The following GLIS3 variants were observed in gnomAD, a reference collection of about 807,000 sequenced individuals.
GLIS3 encodes the protein GLIS family zinc finger 3, also known as zinc finger protein GLIS3.
In GLIS3, 53 loss-of-function variants were observed where a neutral mutation model predicts 78.6. That is an observed-to-expected ratio of 0.67 (90% confidence interval 0.54 to 0.85). The LOEUF (loss-of-function observed/expected upper bound fraction) is 0.85. Ranked by LOEUF, GLIS3 falls within the 40% of genes least tolerant of loss-of-function variation. The pLI is 0.00. For synonymous variants in GLIS3, 684 were observed against 509.9 expected (o/e 1.34, Z -4.60); for missense variants, 1,703 against 1,231.1 (o/e 1.38, Z -5.74).
At chr9:4,120,001 A>C (rs1267159486) in intron 3 of GLIS3, among the ~76,000 whole-genome samples, 1 of 152,262 alleles carries the variant, frequency 6.6e-6, no homozygotes, top group South Asian at 2.1e-4. Flanking sequence ...GGTGTGTATC[A>C]GAAGAACCTG....
intron 2 of GLIS3, among the ~76,000 whole-genome samples, chr9:4,143,955 AAG>A (rs1834012134): frequency 6.6e-6 from 1 of 152,254 alleles, no homozygotes; most frequent in Non-Finnish European, 1.5e-5. Flanking sequence ...TGAGAAAGAA[AAG>A]AGAATAGACG....
chr9:4,426,508 T>C, the GLIS3 span, among the ~76,000 whole-genome samples: 1 of 152,232 alleles, frequency 6.6e-6, no homozygotes, highest in Non-Finnish European at 1.5e-5. Flanking sequence ...TGCCCATCAC[T>C]ATTTGTCAGA....
intron 8 of GLIS3, among the ~76,000 whole-genome samples, chr9:3,860,829 T>C (rs1209828074): frequency 6.6e-6 from 1 of 152,224 alleles, no homozygotes; most frequent in Non-Finnish European, 1.5e-5. Context: ...GAGCACTAAA[T>C]GTGTGGCATT....
intron 4 of GLIS3, among the ~76,000 whole-genome samples, chr9:4,087,248 GT>G (rs1004578725): frequency 6.6e-6 from 1 of 152,132 alleles, no homozygotes; most frequent in African/African-American, 2.4e-5. Context: ...TGTATCAGCT[GT>G]TTTTTCATCC....
At chr9:4,125,022 T>C (rs528365406) in intron 3 of GLIS3, among the ~76,000 whole-genome samples, 115 of 152,320 alleles carry the variant, frequency 7.5e-4, no homozygotes, top group African/African-American at 2.6e-3. Context: ...AGATAAAGCT[T>C]TGTCTGAGGG....
At chr9:3,857,075 C>T (rs983186223) in intron 8 of GLIS3, among the ~76,000 whole-genome samples, 1 of 152,180 alleles carries the variant, frequency 6.6e-6, no homozygotes, top group African/African-American at 2.4e-5. Flanking sequence ...TTGGCAATGT[C>T]TATCAAATAT....
chr9:4,330,554 G>T (rs976632080), intron 2 of GLIS3, among the ~76,000 whole-genome samples: 6 of 151,986 alleles, frequency 3.9e-5, no homozygotes, highest in Non-Finnish European at 7.4e-5. Context: ...TGGAGATGAA[G>T]GTTGAGATGG....
At chr9:4,177,607 T>G (rs1348613387) in intron 2 of GLIS3, among the ~76,000 whole-genome samples, 4 of 152,234 alleles carry the variant, frequency 2.6e-5, no homozygotes, top group Non-Finnish European at 4.4e-5. Context: ...CTGAGCTTGT[T>G]GATTTCTAAG....
At chr9:4,110,752 G>C (rs1020064464) in intron 4 of GLIS3, among the ~76,000 whole-genome samples, 2 of 152,136 alleles carry the variant, frequency 1.3e-5, no homozygotes, top group Admixed American at 1.3e-4. Flanking sequence ...TGATGGCTTA[G>C]AAGCCCTGAC....
chr9:4,415,083 A>G, the GLIS3 span, among the ~76,000 whole-genome samples: 1 of 152,102 alleles, frequency 6.6e-6, no homozygotes. Context: ...TTTCTTTGAC[A>G]CTGGTTAAAA....
chr9:4,225,610 C>A (rs2131346227), intron 2 of GLIS3, among the ~76,000 whole-genome samples: 1 of 152,268 alleles, frequency 6.6e-6, no homozygotes, highest in East Asian at 1.9e-4. Flanking sequence ...TTAGACAAGG[C>A]AGGCTAAAGA....
chr9:4,326,147 T>C (rs1315261405), intron 2 of GLIS3, among the ~76,000 whole-genome samples: 1 of 152,176 alleles, frequency 6.6e-6, no homozygotes, highest in Non-Finnish European at 1.5e-5. Flanking sequence ...CGAACCACCG[T>C]GGCACACATT....
At chr9:4,450,705 A>G in the GLIS3 span, among the ~76,000 whole-genome samples, 1 of 152,348 alleles carries the variant, frequency 6.6e-6, no homozygotes, top group South Asian at 2.1e-4. Flanking sequence ...GACATTCTTA[A>G]AGAAAAGAAT....
chr9:4,001,148 G>C (rs1396641908), intron 4 of GLIS3, among the ~76,000 whole-genome samples: 1 of 152,120 alleles, frequency 6.6e-6, no homozygotes, highest in East Asian at 1.9e-4. Context: ...AGTCATGTCA[G>C]TGTTCTTCAT....
intron 1 of GLIS3, among the ~76,000 whole-genome samples, chr9:4,289,393 C>T (rs541001638): frequency 2.0e-5 from 3 of 152,252 alleles, no homozygotes; most frequent in Non-Finnish European, 2.9e-5. Context: ...CATTCTCTAC[C>T]ACCCCCATCA....
At chr9:4,343,382 G>C (rs1197439386) in intron 2 of GLIS3, among the ~76,000 whole-genome samples, 2 of 152,160 alleles carry the variant, frequency 1.3e-5, no homozygotes, top group African/African-American at 4.8e-5. Context: ...TCTCACACCA[G>C]TCAGAATGGC....
intron 2 of GLIS3, among the ~76,000 whole-genome samples, chr9:4,220,585 G>A (rs990006581): frequency 1.3e-5 from 2 of 152,054 alleles, no homozygotes; most frequent in African/African-American, 2.4e-5. Flanking sequence ...CAAAGTAAGT[G>A]GCAAGTCTTC....
intron 3 of GLIS3, among the ~76,000 whole-genome samples, chr9:4,309,343 C>G (rs1040563063): frequency 2.0e-5 from 3 of 152,090 alleles, no homozygotes; most frequent in Non-Finnish European, 1.5e-5. Context: ...TAAGTTAATA[C>G]TTTTTTAAAA....
In GLIS3 at chr9:3,824,832, G is replaced by A. The variant is rs1588032315; in HGVS notation, c.*3440C>T. 1 of 151,224 alleles carries A rather than the reference G, an allele frequency of 6.6e-6. No individual in the cohort carries two copies. The highest frequency in any genetic ancestry group is 1.5e-5 in the Non-Finnish European group (1 of 67,890). The allele number at this position is 151,224 out of a possible 1,614,324, so 9.4% of individuals were successfully genotyped here. A position where few individuals can be genotyped will look rare whatever the true frequency, so the allele number is the denominator to read the frequency against. On this transcript the variant is annotated 3_prime_UTR_variant, in exon 11 of 11. Transcript: ENST00000381971. ...TGCTTTATGTCAGCAACATTACACA[G>A]GATACTTTGCTGTCTGTACAAAATA...
Sources: allele counts gnomAD v4.1 joint callset (sites outside exome capture counted in the v4.1 genomes callset), GRCh38; gene constraint gnomAD v4.1.1; transcripts MANE v1.5; gene names NCBI Gene and HGNC (gene_info 2026-07-23, HGNC 2026-07-21).